TENM4: variants seen among roughly 807,000 people sequenced by gnomAD.
The protein encoded by TENM4 is teneurin-4.
TENM4 carries 82 observed loss-of-function variants against 243.3 expected under a neutral mutation model. The ratio of observed to expected loss-of-function variants is 0.34; its 90% CI spans 0.28 to 0.40. The LOEUF is 0.40. Among genes scored for constraint, TENM4 ranks in the 10% least tolerant of loss-of-function variants. The pLI is 1.00. For synonymous variants in TENM4, 1,412 were observed against 1,456.3 expected, an observed-to-expected ratio of 0.97 and a Z score of 0.69; for missense variants, 3,138 against 3,673.3, an observed-to-expected ratio of 0.85 and a Z score of 3.77.
At chr11:79,272,928 T>A (rs597444) in intron 2 of TENM4, among the ~76,000 whole-genome samples, 85,478 of 151,964 alleles carry the variant, frequency 0.56, 25,048 homozygotes, top group Non-Finnish European at 0.66. Context: ...CACCCAGTAA[T>A]GTATGCAATT....
chr11:78,726,332 G>A, intron 22 of TENM4, 110 bp from the exon 23 acceptor site: 2 of 1,340,266 alleles, frequency 1.5e-6, no homozygotes, highest in Non-Finnish European at 2.0e-6. Context: ...AGGAAAAAAG[G>A]GTCATATTTC....
intron 6 of TENM4, among the ~76,000 whole-genome samples, chr11:78,953,199 G>A (rs1379347892): frequency 3.3e-5 from 5 of 152,212 alleles, no homozygotes; most frequent in African/African-American, 7.2e-5. Context: ...ACGGGCTCCA[G>A]CAAGAGCATC....
At chr11:79,188,384 T>C (rs1388023744) in intron 3 of TENM4, among the ~76,000 whole-genome samples, 1 of 152,096 alleles carries the variant, frequency 6.6e-6, no homozygotes, top group Non-Finnish European at 1.5e-5. Flanking sequence ...CAAGGGTTAA[T>C]GCACAGTTGG....
At chr11:79,348,298 A>G (rs999197195) in intron 1 of TENM4, among the ~76,000 whole-genome samples, 1 of 152,164 alleles carries the variant, frequency 6.6e-6, no homozygotes, top group African/African-American at 2.4e-5. Flanking sequence ...GCCCAACTGT[A>G]TGGAGGTGGC....
At chr11:79,327,942 G>T (rs2135439005) in intron 1 of TENM4, among the ~76,000 whole-genome samples, 1 of 152,300 alleles carries the variant, frequency 6.6e-6, no homozygotes, top group Non-Finnish European at 1.5e-5. Flanking sequence ...ATGCGTCAGT[G>T]CACTTAATGA....
intron 6 of TENM4, among the ~76,000 whole-genome samples, chr11:78,984,455 T>C (rs547656700): frequency 1.6e-4 from 25 of 152,302 alleles, no homozygotes; most frequent in African/African-American, 5.1e-4. Flanking sequence ...AGAGTCCCAC[T>C]GGTGAACTAA....
intron 25 of TENM4, among the ~76,000 whole-genome samples, chr11:78,718,415 G>A (rs1018087190): frequency 6.6e-6 from 1 of 152,156 alleles, no homozygotes; most frequent in Non-Finnish European, 1.5e-5. Flanking sequence ...GAAACAAAAT[G>A]TTCCCAAACC....
chr11:78,670,339 G>C lies in TENM4; in HGVS notation c.6006C>G (p.Phe2002Leu). 2 of 1,613,940 alleles carry C rather than the reference G, an allele frequency of 1.2e-6. No homozygotes were observed. Among genetic ancestry groups the C allele is most frequent in the South Asian group, 1.1e-5 (1 of 91,070 alleles). Residue 2002 changes from phenylalanine to leucine, a missense_variant, in exon 32 of 34, where the codon TTC becomes TTG. Physicochemically the swap from Phe to Leu is conservative, Grantham distance 22 (BLOSUM62 0). This residue lies in a region of TENM4 where 2,467 missense variants were observed against 3,059.1 expected (regional missense o/e 0.81). Transcript: ENST00000278550. ...TCACCCTGCGGCCAGTGCCCAGGTA[G>C]AAGGTGTGAAGGAGGTGCCCATCCT... ...FTEDGHLLHT[F>L]YLGTGRRVIY...
intron 14 of TENM4, among the ~76,000 whole-genome samples, chr11:78,807,579 T>A (rs1052195106): frequency 6.6e-6 from 1 of 151,770 alleles, no homozygotes; most frequent in African/African-American, 2.4e-5. Flanking sequence ...GTAAAGGAGG[T>A]CGATTCATGT....
At chr11:79,307,933 T>C (rs1027248797) in intron 1 of TENM4, among the ~76,000 whole-genome samples, 4 of 152,174 alleles carry the variant, frequency 2.6e-5, no homozygotes, top group African/African-American at 9.7e-5. Flanking sequence ...GAGCCTGCAC[T>C]CCCTCTCCTC....
intron 1 of TENM4, among the ~76,000 whole-genome samples, chr11:79,409,141 A>G (rs1858644294): frequency 1.3e-5 from 2 of 149,122 alleles, no homozygotes; most frequent in Non-Finnish European, 3.0e-5. Context: ...CACATGCGTG[A>G]GAGTTAGTGG....
chr11:78,765,548 T>G (rs544774766), intron 18 of TENM4, among the ~76,000 whole-genome samples: 3 of 152,348 alleles, frequency 2.0e-5, no homozygotes, highest in East Asian at 3.9e-4. Flanking sequence ...CAAAAGAGAT[T>G]ATCATACCTT....
At chr11:78,913,020 G>T (rs1262040320) in intron 6 of TENM4, among the ~76,000 whole-genome samples, 1 of 152,188 alleles carries the variant, frequency 6.6e-6, no homozygotes, top group African/African-American at 2.4e-5. Flanking sequence ...AAAAGGAGGT[G>T]GTGGGAGTCC....
At chr11:79,319,626 G>A (rs1856855816) in intron 1 of TENM4, among the ~76,000 whole-genome samples, 2 of 152,128 alleles carry the variant, frequency 1.3e-5, no homozygotes, top group Non-Finnish European at 2.9e-5. Flanking sequence ...CTGAAGCCTT[G>A]AGTATCGATG....
chr11:78,849,500 T>C (rs545504218), intron 12 of TENM4, among the ~76,000 whole-genome samples: 2 of 152,330 alleles, frequency 1.3e-5, no homozygotes, highest in East Asian at 3.9e-4. Flanking sequence ...ATATCTATTG[T>C]CTAAACTTCT....
Position 78,926,449 on chromosome 11 carries a change from T to C in TENM4, c.494-22926A>G, listed in dbSNP as rs1048570514. ...CTACCACGCCTGGCTAATTTTTGTA[T>C]TTTTAGTAGAAACGGGGTTTCACCA... On this transcript the variant is annotated intron_variant, in intron 6 of 33. Transcript: ENST00000278550. 4.6e-5 allele frequency among the ~76,000 whole-genome samples: 7 copies of C among 152,110 alleles called. No homozygotes were observed. The South Asian group carries it at 6.2e-4, about 14-fold the overall frequency.
intron 2 of TENM4, among the ~76,000 whole-genome samples, chr11:79,281,164 G>A (rs979585555): frequency 1.3e-5 from 2 of 152,144 alleles, no homozygotes; most frequent in Non-Finnish European, 2.9e-5. Context: ...AGACTCAAAG[G>A]CAACTCCTTA....
chr11:78,794,827 A>C (rs555345649), intron 15 of TENM4, among the ~76,000 whole-genome samples: 45 of 152,190 alleles, frequency 3.0e-4, no homozygotes, highest in Non-Finnish European at 5.3e-4. Flanking sequence ...AAAGAGCAAA[A>C]CTAGAGGAGC....
chr11:79,070,071 G>C, intron 4 of TENM4, 62 bp from the exon 5 acceptor site: 4 of 1,450,734 alleles, frequency 2.8e-6, no homozygotes, highest in East Asian at 2.5e-5. Context: ...GGTTCATCCT[G>C]GTCCTGGATT....
Sources: allele counts gnomAD v4.1 joint callset (sites outside exome capture counted in the v4.1 genomes callset), GRCh38; gene constraint gnomAD v4.1.1; regional missense constraint gnomAD v4.1.1; transcripts MANE v1.5; gene names NCBI Gene and HGNC (gene_info 2026-07-23, HGNC 2026-07-21).